Variants in RALGAPA2 observed in about 807,000 individuals in gnomAD.
RALGAPA2 encodes the protein Ral GTPase activating protein catalytic subunit alpha 2.
In RALGAPA2, 139 loss-of-function variants were observed where a neutral mutation model predicts 230.4. The ratio of observed to expected loss-of-function variants is 0.60; its 90% CI spans 0.53 to 0.69. The LOEUF (loss-of-function observed/expected upper bound fraction) is 0.69. RALGAPA2 is among the 30% of genes least tolerant of loss of function. RALGAPA2 has a pLI of 0.00. For missense variants in RALGAPA2, 2,163 were observed against 2,276.0 expected (o/e 0.95, Z 1.01); for synonymous variants, 847 against 837.8 (o/e 1.01, Z -0.19).
chr20:20,657,071 AATG>A (rs2067614296), intron 3 of RALGAPA2, among the ~76,000 whole-genome samples: 1 of 152,234 alleles, frequency 6.6e-6, no homozygotes. Flanking sequence ...ATAAAAAATT[AATG>A]ATAATAGCAA....
intron 38 of RALGAPA2, among the ~76,000 whole-genome samples, chr20:20,401,791 T>C (rs1255582834): frequency 1.3e-5 from 2 of 152,332 alleles, no homozygotes; most frequent in Non-Finnish European, 2.9e-5. Flanking sequence ...CAGAAAGGAA[T>C]TTTGGCCCAT....
intron 10 of RALGAPA2, among the ~76,000 whole-genome samples, chr20:20,621,163 GA>G (rs1056165883): frequency 2.7e-5 from 4 of 149,982 alleles, no homozygotes; most frequent in African/African-American, 9.8e-5. Flanking sequence ...AAGGAAGAAT[GA>G]AAAAAATAAC....
chr20:20,507,403 C>A (rs886456520), intron 33 of RALGAPA2, among the ~76,000 whole-genome samples: 8 of 152,136 alleles, frequency 5.3e-5, no homozygotes, highest in African/African-American at 1.2e-4. Context: ...AGTGCAATGG[C>A]GTGATCTTGG....
In RALGAPA2 at chr20:20,500,611, C is replaced by A. The variant is rs147413989; in HGVS notation, c.5208+2740G>T. 1.8e-4 allele frequency among the ~76,000 whole-genome samples: 27 copies of A among 152,324 alleles called. No homozygotes were observed. The East Asian group carries it at 5.2e-3, about 29-fold the overall frequency. On this transcript the variant is annotated intron_variant, in intron 35 of 39. Transcript: ENST00000202677. ...GACTTCCTTCACTGAAGTCTTGAAT[C>A]TTTTAAAGTCATCCATGAGGGTGGG...
intron 37 of RALGAPA2, among the ~76,000 whole-genome samples, chr20:20,457,867 G>C (rs1322118330): frequency 1.3e-5 from 2 of 152,238 alleles, no homozygotes; most frequent in South Asian, 4.1e-4. Flanking sequence ...CTCGCATAGG[G>C]AGACAGTGAA....
At chr20:20,633,648 C>T (rs1208918574) in intron 9 of RALGAPA2, among the ~76,000 whole-genome samples, 14 of 152,018 alleles carry the variant, frequency 9.2e-5, no homozygotes, top group East Asian at 3.9e-4. Context: ...CCACCACGCC[C>T]GGCTAATTTT....
At chr20:20,634,654 G>A (rs189168930) in intron 9 of RALGAPA2, among the ~76,000 whole-genome samples, 52 of 152,228 alleles carry the variant, frequency 3.4e-4, no homozygotes, top group African/African-American at 1.1e-3. Flanking sequence ...CTAGGGCATC[G>A]GCAAATCTGC....
At chr20:20,490,861 A>AACAC (rs34230105) in intron 36 of RALGAPA2, among the ~76,000 whole-genome samples, 14,725 of 142,118 alleles carry the variant, frequency 0.1, 774 homozygotes, top group South Asian at 0.14. Context: ...AACACACATG[A>AACAC]ACACACACAC....
chr20:20,526,317 A>T lies in RALGAPA2; in HGVS notation c.3628T>A (p.Leu1210Met). ...VAQVACDVLQLLVSYWEKLQM... is the reference protein window; with the variant it reads ...VAQVACDVLQMLVSYWEKLQM... ...AGCTTCTCCCAGTAGGAAACCAGCA[A>T]CTGAAGGACATCGCAAGCTACCTGG... The change falls in exon 28 of 40, where the codon TTG (leucine) becomes ATG (methionine). Residue 1210 changes from leucine (L) to methionine (M), a missense_variant. Leu to Met is a conservative substitution (Grantham distance 15). Coordinates refer to ENST00000202677, the MANE Select transcript of RALGAPA2 (RefSeq NM_020343.4). 6.2e-7 allele frequency: 1 copy of T among 1,608,320 alleles called. No homozygotes were observed. The highest frequency in any genetic ancestry group is 8.5e-7 in the Non-Finnish European group (1 of 1,178,488).
In RALGAPA2 at chr20:20,601,666, T is replaced by C; in HGVS notation, c.2203+16A>G. On this transcript the variant is annotated intron_variant, in intron 16 of 39. Coordinates refer to ENST00000202677, the MANE Select transcript of RALGAPA2 (RefSeq NM_020343.4). ...TAACAATTAGATTTTTGAGAAGCATTTAAATAAATGTTTACCAGTTGCTTT... is the reference window on the plus strand; with the variant it reads ...TAACAATTAGATTTTTGAGAAGCATCTAAATAAATGTTTACCAGTTGCTTT... The C allele has an allele frequency of 1.2e-6, 2 of 1,602,604 alleles. No individual in the cohort carries two copies. Among genetic ancestry groups the C allele is most frequent in the Non-Finnish European group, 1.7e-6 (2 of 1,175,160 alleles).
intron 3 of RALGAPA2, among the ~76,000 whole-genome samples, chr20:20,666,449 T>C (rs926432398): frequency 2.6e-5 from 4 of 152,234 alleles, no homozygotes; most frequent in Non-Finnish European, 4.4e-5. Context: ...TTGTTCATTT[T>C]AGTTGTTCTT....
Position 20,494,865 on chromosome 20 carries a change from T to C in RALGAPA2, c.5367+252A>G, listed in dbSNP as rs180967621. 5.7e-3 allele frequency among the ~76,000 whole-genome samples: 862 copies of C among 152,326 alleles called. 4 individuals are homozygous for C. Among genetic ancestry groups the C allele is most frequent in the Non-Finnish European group, 9.9e-3 (676 of 68,012 alleles). On this transcript the variant is annotated intron_variant, in intron 36 of 39. Coordinates refer to ENST00000202677, the MANE Select transcript of RALGAPA2 (RefSeq NM_020343.4). ...AAAACTTAAAACATTTACAAAATAA[T>C]AAATTTGACATTATAATTTCCAAAG...
At chr20:20,505,250 G>A in intron 34 of RALGAPA2, 161 bp downstream of exon 34, 5 of 910,812 alleles carry the variant, frequency 5.5e-6, no homozygotes, top group Non-Finnish European at 6.6e-6. Flanking sequence ...ATACTGACAA[G>A]CAACTAACAG....
At chr20:20,514,107 T>G (rs1046465902) in intron 31 of RALGAPA2, among the ~76,000 whole-genome samples, 1 of 151,994 alleles carries the variant, frequency 6.6e-6, no homozygotes. Flanking sequence ...TGCCCCAACC[T>G]TCCTGTGCAC....
chr20:20,504,634 G>A (rs1454671873), intron 34 of RALGAPA2, among the ~76,000 whole-genome samples: 1 of 152,110 alleles, frequency 6.6e-6, no homozygotes, highest in Non-Finnish European at 1.5e-5. Flanking sequence ...GCTGAGGCAG[G>A]AGAATTGCTG....
intron 4 of RALGAPA2, among the ~76,000 whole-genome samples, chr20:20,644,023 G>C (rs888472481): frequency 6.6e-6 from 1 of 152,160 alleles, no homozygotes; most frequent in Non-Finnish European, 1.5e-5. Context: ...CACTGTCAAG[G>C]AGGCAGAATC....
chr20:20,679,408 AGATG>A (rs1417520427), intron 2 of RALGAPA2, among the ~76,000 whole-genome samples: 1 of 152,148 alleles, frequency 6.6e-6, no homozygotes, highest in East Asian at 1.9e-4. Context: ...ACCATCCCTC[AGATG>A]AATGACAGCA....
intron 20 of RALGAPA2, 29 bp downstream of exon 20, chr20:20,583,021 T>G (rs1292374279): frequency 6.2e-7 from 1 of 1,604,288 alleles, no homozygotes; most frequent in Non-Finnish European, 8.5e-7. Flanking sequence ...CTGTTTGCAT[T>G]AGTGCCTCTT....
At chr20:20,457,607 C>T (rs1014516871) in intron 37 of RALGAPA2, among the ~76,000 whole-genome samples, 1 of 152,194 alleles carries the variant, frequency 6.6e-6, no homozygotes, top group Non-Finnish European at 1.5e-5. Flanking sequence ...GGAAAACACC[C>T]GCATGGCTGG....
Sources: gnomAD v4.1 joint callset for allele counts (sites outside exome capture counted in the v4.1 genomes callset) on GRCh38, gnomAD v4.1.1 for gene constraint, MANE v1.5 for transcripts, NCBI Gene and HGNC (gene_info 2026-07-23, HGNC 2026-07-21) for gene names.